The following ENOX1 variants were observed in gnomAD, a reference collection of about 807,000 sequenced individuals.
ENOX1 encodes candidate growth-related and time keeping constitutive hydroquinone (NADH) oxidase.
ENOX1 carries 42 observed loss-of-function variants against 82.5 expected under a neutral mutation model. The observed-to-expected ratio is 0.51, with a 90% CI of 0.40 to 0.66. ENOX1 has a LOEUF of 0.66. Among genes scored for constraint, ENOX1 ranks in the 30% least tolerant of loss-of-function variants. The pLI is 0.00. For missense variants in ENOX1, 608 were observed against 811.6 expected (o/e 0.75, Z 3.05); for synonymous variants, 271 against 282.2 (o/e 0.96, Z 0.40).
At chr13:43,588,593 A>C (rs1002399177) in intron 2 of ENOX1, among the ~76,000 whole-genome samples, 1 of 152,230 alleles carries the variant, frequency 6.6e-6, no homozygotes, top group Non-Finnish European at 1.5e-5. Flanking sequence ...TGAAAGTCCT[A>C]CTGGAGCCTC....
At chr13:43,600,664 G>C (rs1486761125) in intron 2 of ENOX1, among the ~76,000 whole-genome samples, 2 of 152,178 alleles carry the variant, frequency 1.3e-5, no homozygotes, top group Non-Finnish European at 2.9e-5. Context: ...AGAGCCCTAA[G>C]GCCTTGAGTG....
intron 11 of ENOX1, among the ~76,000 whole-genome samples, chr13:43,300,165 G>A (rs780185501): frequency 1.3e-5 from 2 of 151,990 alleles, no homozygotes; most frequent in Non-Finnish European, 2.9e-5. Flanking sequence ...TACTTAACAC[G>A]CATTTACTTC....
chr13:43,751,713 G>A (rs541308600), intron 1 of ENOX1, among the ~76,000 whole-genome samples: 4 of 152,186 alleles, frequency 2.6e-5, no homozygotes, highest in East Asian at 1.9e-4. Flanking sequence ...TCAACAGTTC[G>A]TTACATTTTA....
At chr13:43,232,501 CT>C (rs976152181) in intron 15 of ENOX1, among the ~76,000 whole-genome samples, 1 of 152,150 alleles carries the variant, frequency 6.6e-6, no homozygotes, top group African/African-American at 2.4e-5. Flanking sequence ...AAAATTATTG[CT>C]TAACCTTCTT....
chr13:43,226,037 A>G (rs2042008171), intron 15 of ENOX1, among the ~76,000 whole-genome samples: 3 of 152,196 alleles, frequency 2.0e-5, no homozygotes, highest in South Asian at 2.1e-4. Context: ...GCCACTTTTA[A>G]TGTACTCAGG....
At chr13:43,414,743 C>G (rs2054341873) in intron 3 of ENOX1, among the ~76,000 whole-genome samples, 1 of 152,170 alleles carries the variant, frequency 6.6e-6, no homozygotes, top group Non-Finnish European at 1.5e-5. Flanking sequence ...CTTATCTCCC[C>G]AAATGAAGTT....
intron 2 of ENOX1, among the ~76,000 whole-genome samples, chr13:43,613,667 A>G (rs1393738021): frequency 6.6e-6 from 1 of 152,232 alleles, no homozygotes; most frequent in Non-Finnish European, 1.5e-5. Flanking sequence ...TAGATAATCC[A>G]AAAGAAATGG....
intron 1 of ENOX1, among the ~76,000 whole-genome samples, chr13:43,667,926 TA>T (rs2085067162): frequency 6.6e-6 from 1 of 152,196 alleles, no homozygotes; most frequent in Non-Finnish European, 1.5e-5. Context: ...CAGTACAATC[TA>T]AAAATGTCAT....
chr13:43,480,653 G>C lies in ENOX1; in HGVS notation c.-75+3356C>G, dbSNP rs2058472093. On this transcript the variant is annotated intron_variant, in intron 3 of 16. Coordinates refer to ENST00000690772, the MANE Select transcript of ENOX1 (RefSeq NM_001347969.2). ...AGACTTGAAATCATAAATGAAAGAG[G>C]AGACATTACAACTGATATCACTGAT... is the stretch of plus-strand genomic sequence containing the variant. 2.0e-5 allele frequency among the ~76,000 whole-genome samples: 3 copies of C among 151,984 alleles called. No homozygotes were observed. In the South Asian group the frequency reaches 6.2e-4, roughly 32 times the overall value.
chr13:43,252,968 A>G (rs1388530113), intron 14 of ENOX1, among the ~76,000 whole-genome samples: 2 of 152,200 alleles, frequency 1.3e-5, no homozygotes, highest in Non-Finnish European at 2.9e-5. Context: ...AAATTTAAAC[A>G]TATTTATTGC....
At chr13:43,668,658 A>C (rs2085104797) in intron 1 of ENOX1, among the ~76,000 whole-genome samples, 1 of 152,210 alleles carries the variant, frequency 6.6e-6, no homozygotes, top group Non-Finnish European at 1.5e-5. Flanking sequence ...AAGAGCCCCA[A>C]AGTGGAAGGA....
At chr13:43,479,249 C>G (rs2058415131) in intron 3 of ENOX1, among the ~76,000 whole-genome samples, 1 of 152,076 alleles carries the variant, frequency 6.6e-6, no homozygotes, top group Non-Finnish European at 1.5e-5. Context: ...CCCCACAAAC[C>G]GATCCTTGAT....
chr13:43,243,614 G>A (rs543646985), intron 14 of ENOX1, among the ~76,000 whole-genome samples: 2 of 152,236 alleles, frequency 1.3e-5, no homozygotes, highest in Admixed American at 6.5e-5. Flanking sequence ...CATTTTAACC[G>A]CTGCAGGAAC....
Position 43,618,335 on chromosome 13 carries a change from G to T in ENOX1, c.-219+49144C>A, listed in dbSNP as rs955871946. Among the ~76,000 whole-genome samples, 7 of 152,130 alleles carry T rather than the reference G, an allele frequency of 4.6e-5. 1 individual carries two copies. The highest frequency in any genetic ancestry group is 1.4e-4 in the African/African-American group (6 of 41,428). ...TCCTTGCCTAAACCAATGTCTAGAA[G>T]GGTTTTTCCAATGTTATCTTGTAGA... On this transcript the variant is annotated intron_variant, in intron 2 of 16. Coordinates refer to ENST00000690772, the MANE Select transcript of ENOX1 (RefSeq NM_001347969.2).
intron 1 of ENOX1, among the ~76,000 whole-genome samples, chr13:43,719,667 G>A (rs925644766): frequency 2.0e-5 from 3 of 151,890 alleles, no homozygotes; most frequent in Non-Finnish European, 2.9e-5. Flanking sequence ...CTAACGTAGC[G>A]CACCAAGTGT....
intron 15 of ENOX1, 117 bp from the exon 16 acceptor site, chr13:43,224,255 T>A (rs2041928391): frequency 2.6e-6 from 2 of 768,466 alleles, no homozygotes; most frequent in Non-Finnish European, 4.4e-6. Context: ...TCTTGCCATT[T>A]CTAGCAGCAC....
intron 2 of ENOX1, among the ~76,000 whole-genome samples, chr13:43,536,000 T>C (rs181645236): frequency 3.9e-5 from 6 of 152,316 alleles, no homozygotes; most frequent in Admixed American, 3.9e-4. Flanking sequence ...AGAATATCCT[T>C]TAAGCTGTGC....
Position 43,377,256 on chromosome 13 carries a change from ACT to A in ENOX1, c.209-15806_209-15805del, listed in dbSNP as rs1187834579. On this transcript the variant is annotated intron_variant, in intron 5 of 16. Transcript: ENST00000690772. ...TGATAAAAAGATAAGGTCAGTCCCCACTCTCTCTCTGTCTCACATGCTTACTT... is the reference window on the plus strand; with the variant it reads ...TGATAAAAAGATAAGGTCAGTCCCCACTCTCTCTGTCTCACATGCTTACTT... Among the ~76,000 whole-genome samples, 5 of 151,948 alleles carry A rather than the reference ACT, an allele frequency of 3.3e-5. No individual in the cohort carries two copies. In the South Asian group the frequency reaches 1.0e-3, roughly 32 times the overall value.
intron 14 of ENOX1, among the ~76,000 whole-genome samples, chr13:43,249,925 G>T (rs1049820773): frequency 6.6e-6 from 1 of 152,138 alleles, no homozygotes. Context: ...AGAACCAAGC[G>T]TTCCTGATTG....
Sources: gnomAD v4.1 joint callset for allele counts (sites outside exome capture counted in the v4.1 genomes callset) on GRCh38, gnomAD v4.1.1 for gene constraint, MANE v1.5 for transcripts, NCBI Gene and HGNC (gene_info 2026-07-23, HGNC 2026-07-21) for gene names.